Variants in CTCFL observed in about 807,000 individuals in gnomAD.
The protein encoded by CTCFL is CCCTC-binding factor like.
CTCFL carries 36 observed loss-of-function variants against 67.4 expected under a neutral mutation model. The ratio of observed to expected loss-of-function variants is 0.53; its 90% CI spans 0.41 to 0.71. The LOEUF (loss-of-function observed/expected upper bound fraction) is 0.71, where lower values mean the gene tolerates loss of function less well. CTCFL is among the 30% of genes least tolerant of loss of function. CTCFL has a pLI of 0.00. For missense variants in CTCFL, 786 were observed against 835.2 expected (o/e 0.94, Z 0.73); for synonymous variants, 324 against 302.3 (o/e 1.07, Z -0.75).
intron 7 of CTCFL, chr20:57,513,867 G>C: frequency 7.8e-7 from 1 of 1,288,986 alleles, no homozygotes; most frequent in Non-Finnish European, 1.0e-6. Context: ...GGGAGGCCCA[G>C]GAATCCTGAA....
At chr20:57,496,153 C>T, downstream of CTCFL, 1 of 433,638 alleles carries the variant, frequency 2.3e-6, no homozygotes, top group South Asian at 6.6e-5. Context: ...AATGATTTAG[C>T]ACCATCCGCT....
rs775279703 is a variant in CTCFL, at chr20:57,523,787, T to C, written c.419A>G (p.Gln140Arg). 3.7e-6 allele frequency: 6 copies of C among 1,613,226 alleles called. No homozygotes were observed. In the African/African-American group the frequency reaches 8.0e-5, roughly 22 times the overall value. Residue 140 changes from glutamine (Q) to arginine (R), a missense_variant, in exon 2 of 11, where the codon CAA (glutamine) becomes CGA (arginine). Transcript: ENST00000243914. ...LQQCVAISIQ[Q>R]ELYSPQEMEV... ...CATCTCTTGCGGGGAGTACAGCTCTTGCTGGATACTAATGGCCACACACTG... is the reference window on the plus strand; with the variant it reads ...CATCTCTTGCGGGGAGTACAGCTCTCGCTGGATACTAATGGCCACACACTG...
chr20:57,503,731 A>G, intron 9 of CTCFL, 130 bp from the exon 10 acceptor site: 1 of 889,238 alleles, frequency 1.1e-6, no homozygotes, highest in South Asian at 1.6e-5. Flanking sequence ...AATTCCACAC[A>G]CCTCGCTAGC....
intron 10 of CTCFL, 99 bp downstream of exon 10, chr20:57,503,337 C>A: frequency 7.2e-7 from 1 of 1,395,948 alleles, no homozygotes; most frequent in Non-Finnish European, 1.0e-6. Context: ...CAAATAGGGG[C>A]TCTGGACACA....
chr20:57,523,598 G>A (rs2069566947), intron 2 of CTCFL, 65 bp downstream of exon 2: 1 of 1,550,048 alleles, frequency 6.5e-7, no homozygotes, highest in Non-Finnish European at 8.7e-7. Flanking sequence ...ACATAATATT[G>A]CATAAAAGCC....
Position 57,520,178 on chromosome 20 carries a change from A to G in CTCFL, c.755-801T>C, listed in dbSNP as rs1266066368. Among the ~76,000 whole-genome samples the G allele has an allele frequency of 5.9e-5, 9 of 152,194 alleles. No individual in the cohort carries two copies. In the East Asian group the frequency reaches 1.5e-3, roughly 26 times the overall value. ...AGTAACCCTTGGGGGATCTGGTTTA[A>G]GACAGTTTTTGACCATCACTGCCTG... On this transcript the variant is annotated intron_variant, in intron 3 of 10. Coordinates refer to ENST00000243914, the MANE Select transcript of CTCFL (RefSeq NM_001386993.1).
At chr20:57,496,275 C>G (rs1257115005), downstream of CTCFL, 2 of 694,864 alleles carry the variant, frequency 2.9e-6, no homozygotes, top group Middle Eastern at 2.4e-4. Flanking sequence ...CCTACTCCCT[C>G]TTCGCCTTCT....
chr20:57,524,777 T>C (rs1568889979), intron 1 of CTCFL: 8 of 986,774 alleles, frequency 8.1e-6, no homozygotes, highest in Non-Finnish European at 9.6e-6. Context: ...TTGGGCCTAG[T>C]GGCCTCGAGC....
rs1174304377 is a variant in CTCFL, at chr20:57,498,089, C to A, written c.*461G>T. On this transcript the variant is annotated 3_prime_UTR_variant, in exon 11 of 11. Transcript: ENST00000243914. ...TAAAACCATATATTATTAGAAATATCATGGGTGTATATAATGCAACATAAA... is the reference window on the plus strand; with the variant it reads ...TAAAACCATATATTATTAGAAATATAATGGGTGTATATAATGCAACATAAA... The A allele has an allele frequency of 1.1e-6, 1 of 919,874 alleles. No individual in the cohort carries two copies. The highest frequency in any genetic ancestry group is 1.2e-4 in the East Asian group (1 of 8,508). The allele number at this position is 919,874 out of a possible 1,614,324, so 57.0% of individuals were successfully genotyped here.
chr20:57,515,617 C>G lies in CTCFL; in HGVS notation c.1180+97G>C, dbSNP rs747891379. The G allele has an allele frequency of 7.9e-6, 12 of 1,526,338 alleles. No individual in the cohort carries two copies. In the South Asian group the frequency reaches 1.3e-4, roughly 16 times the overall value. The allele number at this position is 1,526,338 out of a possible 1,614,324, so 94.5% of individuals were successfully genotyped here. On this transcript the variant is annotated intron_variant, in intron 6 of 10. Coordinates refer to ENST00000243914, the MANE Select transcript of CTCFL (RefSeq NM_001386993.1). ...AAGGCACGCAAAAATCCACTTTTAC[C>G]TTTGAACTTTAATTGTGCCAATAAA...
intron 7 of CTCFL, chr20:57,513,944 T>C: frequency 8.0e-7 from 1 of 1,243,078 alleles, no homozygotes; most frequent in Non-Finnish European, 1.1e-6. Flanking sequence ...ACTGGCTGGC[T>C]TCCCCACAGG....
At chr20:57,513,927 G>C in intron 7 of CTCFL, 1 of 1,280,650 alleles carries the variant, frequency 7.8e-7, no homozygotes, top group South Asian at 1.2e-5. Flanking sequence ...CCCTCCCATT[G>C]CTCAACACTG....
At chr20:57,506,070 G>A (rs946449073) in intron 9 of CTCFL, among the ~76,000 whole-genome samples, 4 of 152,186 alleles carry the variant, frequency 2.6e-5, no homozygotes, top group East Asian at 1.9e-4. Context: ...GTTGGCAAAC[G>A]ACAACCAGTG....
rs747605658 is a variant in CTCFL, at chr20:57,508,652, G to C, written c.1628C>G (p.Pro543Arg). 1.9e-6 allele frequency: 3 copies of C among 1,613,992 alleles called. No individual in the cohort carries two copies. The highest frequency in any genetic ancestry group is 1.3e-5 in the African/African-American group (1 of 74,870). Reference protein sequence around the residue: ...FRKYHDANFIPTVYKCSKCGK... With the variant: ...FRKYHDANFIRTVYKCSKCGK... The stretch of plus-strand genomic sequence containing the variant: ...ACACTTGGAGCATTTGTAAACAGTC[G>C]GGATGAAATTTGCATCGTGGTATTT... Residue 543 changes from proline (P) to arginine (R), a missense_variant, in exon 9 of 11, where the codon CCG becomes CGG. Around this residue, in one of 3 missense-constraint regions of CTCFL, gnomAD observed 199 missense variants for 196.7 expected, o/e 1.01. Transcript: ENST00000243914.
chr20:57,524,543 C>T (rs2069704680), intron 1 of CTCFL: 6 of 1,095,382 alleles, frequency 5.5e-6, no homozygotes, highest in Non-Finnish European at 5.6e-6. Flanking sequence ...ATATCCTGGG[C>T]CTAGCAAGGT....
At chr20:57,524,343 G>T in intron 1 of CTCFL, 127 bp from the exon 2 acceptor site, 1 of 1,490,446 alleles carries the variant, frequency 6.7e-7, no homozygotes, top group Non-Finnish European at 8.8e-7. Context: ...AAAGGTTTTG[G>T]ACTTAGTAGG....
intron 5 of CTCFL, 181 bp downstream of exon 5, chr20:57,518,577 A>G (rs2069099001): frequency 6.1e-6 from 9 of 1,473,342 alleles, no homozygotes; most frequent in Non-Finnish European, 8.2e-6. Context: ...AAAGAAACAA[A>G]GAAATCCAAT....
At chr20:57,513,141 T>C (rs2068675453) in intron 7 of CTCFL, 1 of 584,138 alleles carries the variant, frequency 1.7e-6, no homozygotes, top group African/African-American at 2.0e-5. Context: ...AAATGTTCAT[T>C]GAACAAAGCA....
rs1378505121 is a variant in CTCFL, at chr20:57,525,052, C to G, written c.-36G>C. 6.6e-6 allele frequency: 1 copy of G among 152,048 alleles called. No individual in the cohort carries two copies. The highest frequency in any genetic ancestry group is 2.4e-5 in the African/African-American group (1 of 41,344). 9.4% of individuals were successfully genotyped at this position (152,048 alleles called of 1,614,324 possible). On this transcript the variant is annotated 5_prime_UTR_variant, in exon 1 of 11. Coordinates refer to ENST00000243914, the MANE Select transcript of CTCFL (RefSeq NM_001386993.1). ...CCGCGGAAGGCGTGGCCGGAATGCT[C>G]GGCCCACTCCGTCTTTGGCTTGTGG... is the stretch of plus-strand genomic sequence containing the variant.
Sources: allele counts gnomAD v4.1 joint callset (sites outside exome capture counted in the v4.1 genomes callset), GRCh38; gene constraint gnomAD v4.1.1; regional missense constraint gnomAD v4.1.1; transcripts MANE v1.5; gene names NCBI Gene and HGNC (gene_info 2026-07-23, HGNC 2026-07-21).